The following TENT2 variants were observed in gnomAD, a reference collection of about 807,000 sequenced individuals.
TENT2 encodes the protein poly(A) RNA polymerase GLD2.
In TENT2, 44 loss-of-function variants were observed where a neutral mutation model predicts 72.2. That is an observed-to-expected ratio of 0.61 (90% CI 0.48 to 0.78). The LOEUF is 0.78. Ranked by LOEUF, TENT2 falls within the 30% of genes least tolerant of loss-of-function variation. The pLI is 0.00. For missense variants in TENT2, 541 were observed against 569.6 expected (o/e 0.95, Z 0.51); for synonymous variants, 212 against 192.5 (o/e 1.10, Z -0.84).
At chr5:79,683,359 C>T (rs192476545) in intron 14 of TENT2, among the ~76,000 whole-genome samples, 10 of 151,712 alleles carry the variant, frequency 6.6e-5, no homozygotes, top group Non-Finnish European at 1.2e-4. Context: ...TCACCTCACC[C>T]CACCCCTGGG....
In TENT2 at chr5:79,642,917, C is replaced by T. The variant is rs1299565423; in HGVS notation, c.751+7C>T. 6.2e-7 allele frequency: 1 copy of T among 1,607,810 alleles called. No individual in the cohort carries two copies. The highest frequency in any genetic ancestry group is 8.5e-7 in the Non-Finnish European group (1 of 1,177,742). On this transcript the variant is annotated splice_region_variant and intron_variant, in intron 7 of 14. Transcript: ENST00000453514. ...CACTTCTGTACTAGACTTTGTAAGT[C>T]TGACATGCCTCAAGTTTGTATGTCA...
chr5:79,666,644 A>G (rs931994003), intron 11 of TENT2, among the ~76,000 whole-genome samples: 3 of 115,106 alleles, frequency 2.6e-5, no homozygotes, highest in African/African-American at 1.8e-4. Context: ...CATAATTCAT[A>G]TTGCTATGAA....
At chr5:79,651,866 A>C (rs1186369252) in intron 10 of TENT2, among the ~76,000 whole-genome samples, 1 of 151,966 alleles carries the variant, frequency 6.6e-6, no homozygotes, top group Non-Finnish European at 1.5e-5. Context: ...GTTTTATGGT[A>C]TACTCCTAGG....
At chr5:79,637,853 A>G (rs969306742) in intron 4 of TENT2, among the ~76,000 whole-genome samples, 1 of 144,386 alleles carries the variant, frequency 6.9e-6, no homozygotes, top group African/African-American at 2.6e-5. Context: ...GCTAGAGTGC[A>G]GTGGCATGAT....
intron 11 of TENT2, among the ~76,000 whole-genome samples, chr5:79,662,818 C>T (rs1804123466): frequency 6.6e-6 from 1 of 152,114 alleles, no homozygotes; most frequent in South Asian, 2.1e-4. Flanking sequence ...TGCATTAGCC[C>T]CTAACAAGAG....
rs1360837526 is a variant in TENT2 at position 79,645,165 on chromosome 5, C to T, written c.794C>T (p.Pro265Leu). The T allele has an allele frequency of 6.2e-7, 1 of 1,608,328 alleles. No homozygotes were observed. The highest frequency in any genetic ancestry group is 1.3e-5 in the African/African-American group (1 of 74,504). The change falls in exon 8 of 15, where the codon CCA becomes CTA. Residue 265 changes from proline (P) to leucine (L), a missense_variant. By Grantham distance (98) the Pro-to-Leu change is moderately conservative (BLOSUM62 -3). Coordinates refer to ENST00000453514, the MANE Select transcript of TENT2 (RefSeq NM_001114394.3). ...ERPQLIRAKV[P>L]IVKFRDKVSC... ...CCTCAGCTGATTCGAGCAAAAGTGC[C>T]AATTGTGAAGTTCAGGGATAAAGTC...
At chr5:79,684,501 C>G (rs1825052544) in intron 14 of TENT2, among the ~76,000 whole-genome samples, 1 of 152,166 alleles carries the variant, frequency 6.6e-6, no homozygotes, top group Non-Finnish European at 1.5e-5. Flanking sequence ...AGTGATCTGC[C>G]CACCTCAGCC....
chr5:79,662,111 A>G (rs1454751660), intron 11 of TENT2, among the ~76,000 whole-genome samples: 1 of 152,200 alleles, frequency 6.6e-6, no homozygotes. Context: ...TTCTGTCTCA[A>G]GAAACTACTT....
At chr5:79,656,024 A>G (rs1411535298) in intron 10 of TENT2, among the ~76,000 whole-genome samples, 1 of 151,918 alleles carries the variant, frequency 6.6e-6, no homozygotes, top group Non-Finnish European at 1.5e-5. Flanking sequence ...ATTAAAAGTG[A>G]ATTAATATGC....
intron 4 of TENT2, among the ~76,000 whole-genome samples, chr5:79,631,320 CAGAAT>C (rs1201544221): frequency 6.6e-6 from 1 of 152,106 alleles, no homozygotes; most frequent in Non-Finnish European, 1.5e-5. Context: ...TTTGCTGAGA[CAGAAT>C]AGAATGGAAG....
At chr5:79,659,593 T>TATATATATAA (rs1348206904) in intron 11 of TENT2, among the ~76,000 whole-genome samples, 10 of 121,848 alleles carry the variant, frequency 8.2e-5, no homozygotes, top group Admixed American at 1.7e-4. Flanking sequence ...TATATATATA[T>TATATATATAA]AATAGCCATC....
At chr5:79,627,459 C>T (rs1267716016) in intron 4 of TENT2, among the ~76,000 whole-genome samples, 1 of 152,086 alleles carries the variant, frequency 6.6e-6, no homozygotes, top group African/African-American at 2.4e-5. Context: ...TCTCAGAAGG[C>T]TAAAGATTGT....
chr5:79,626,228 T>C (rs1337252886), intron 4 of TENT2, among the ~76,000 whole-genome samples: 2 of 151,850 alleles, frequency 1.3e-5, no homozygotes, highest in Non-Finnish European at 2.9e-5. Context: ...CTTAAACTCA[T>C]AGGTTCAAGT....
chr5:79,682,444 T>C (rs1463485340), intron 14 of TENT2, among the ~76,000 whole-genome samples: 5 of 149,190 alleles, frequency 3.4e-5, no homozygotes, highest in African/African-American at 1.2e-4. Context: ...CACACCCAGC[T>C]AATTTTTTTT....
At chr5:79,634,715 A>G (rs11957529) in intron 4 of TENT2, among the ~76,000 whole-genome samples, 9,479 of 152,296 alleles carry the variant, frequency 0.062, 493 homozygotes, top group Admixed American at 0.16. Context: ...AATTAATTTT[A>G]TAGTGATAGA....
At chr5:79,651,059 A>G (rs940628443) in intron 10 of TENT2, among the ~76,000 whole-genome samples, 1 of 152,118 alleles carries the variant, frequency 6.6e-6, no homozygotes, top group Admixed American at 6.6e-5. Context: ...TATACATTTC[A>G]TAGAAAATCC....
chr5:79,617,523 T>C (rs1166950126), intron 1 of TENT2: 2 of 152,214 alleles, frequency 1.3e-5, no homozygotes, highest in Non-Finnish European at 2.9e-5. Context: ...GATTTTTCTT[T>C]TCTTAGATAT....
chr5:79,631,852 A>AG (rs1775845287), intron 4 of TENT2, among the ~76,000 whole-genome samples: 1 of 152,166 alleles, frequency 6.6e-6, no homozygotes, highest in South Asian at 2.1e-4. Flanking sequence ...GATTGGCCTT[A>AG]GGTAAGAGAA....
In TENT2 at chr5:79,649,154, T is replaced by A; in HGVS notation, c.991T>A (p.Tyr331Asn). The change falls in exon 10 of 15, where the codon TAT (tyrosine) becomes AAT (asparagine). Residue 331 changes from tyrosine to asparagine, a missense_variant. Physicochemically the swap from Tyr to Asn is moderately radical, Grantham distance 143. Coordinates refer to ENST00000453514, the MANE Select transcript of TENT2 (RefSeq NM_001114394.3). The part of the protein sequence containing the change: ...NDASRGTLSS[Y>N]SLVLMVLHYL... The stretch of plus-strand genomic sequence containing the variant: ...TGCCAGTCGTGGTACTTTAAGCAGC[T>A]ATAGTCTTGTATTGATGGTTTTGCA... The A allele has an allele frequency of 6.2e-7, 1 of 1,613,496 alleles. No homozygotes were observed. The highest frequency in any genetic ancestry group is 8.5e-7 in the Non-Finnish European group (1 of 1,179,674).
Sources: allele counts gnomAD v4.1 joint callset (sites outside exome capture counted in the v4.1 genomes callset), GRCh38; gene constraint gnomAD v4.1.1; transcripts MANE v1.5; gene names NCBI Gene and HGNC (gene_info 2026-07-23, HGNC 2026-07-21).